Variants in SUMF1 observed in about 807,000 individuals in gnomAD.
SUMF1 encodes formylglycine-generating enzyme.
SUMF1 carries 48 observed loss-of-function variants against 47.6 expected under a neutral mutation model. The ratio of observed to expected loss-of-function variants is 1.01; its 90% confidence interval spans 0.80 to 1.28. The LOEUF is 1.28. Ranked by LOEUF, SUMF1 falls within the 50% of genes most tolerant of loss-of-function variation. The pLI, the probability that SUMF1 is intolerant of heterozygous loss-of-function variation, is 0.00. For synonymous variants in SUMF1, 230 were observed against 192.1 expected (o/e 1.20, Z -1.63); for missense variants, 571 against 485.4 (o/e 1.18, Z -1.66).
At chr3:4,133,955 T>A (rs888627478) in intron 8 of SUMF1, among the ~76,000 whole-genome samples, 11 of 151,970 alleles carry the variant, frequency 7.2e-5, no homozygotes, top group African/African-American at 2.7e-4. Context: ...AATCTGGGGA[T>A]ACTCAGCTCC....
At chr3:4,314,049 ACCT>A in intron 8 of SUMF1, 2 of 505,456 alleles carry the variant, frequency 4.0e-6, no homozygotes, top group Non-Finnish European at 7.0e-6. Context: ...CCTGCCCTTC[ACCT>A]CCTCTTTCTT....
At chr3:4,128,152 G>C (rs574101439) in intron 8 of SUMF1, among the ~76,000 whole-genome samples, 1 of 152,108 alleles carries the variant, frequency 6.6e-6, no homozygotes, top group Non-Finnish European at 1.5e-5. Flanking sequence ...AGATTGCCCT[G>C]AGTAAGATTC....
At chr3:4,078,647 C>A (rs543959740) in intron 8 of SUMF1, among the ~76,000 whole-genome samples, 1 of 151,950 alleles carries the variant, frequency 6.6e-6, no homozygotes. Flanking sequence ...AATCCCAGCA[C>A]TTTGGGAGGC....
intron 8 of SUMF1, chr3:4,068,756 TAAG>T (rs34308595): frequency 4.7e-4 from 154 of 328,518 alleles, no homozygotes; most frequent in East Asian, 9.6e-4. Flanking sequence ...CTAAAACAAA[TAAG>T]AAGAAGAAGA....
intron 8 of SUMF1, among the ~76,000 whole-genome samples, chr3:4,071,820 A>G (rs1173626034): frequency 1.3e-5 from 2 of 152,130 alleles, no homozygotes; most frequent in Admixed American, 6.5e-5. Flanking sequence ...AAAACCCCTC[A>G]TCTCCCTGGG....
At chr3:4,115,918 A>G (rs1385547963) in intron 8 of SUMF1, among the ~76,000 whole-genome samples, 1 of 152,160 alleles carries the variant, frequency 6.6e-6, no homozygotes, top group Non-Finnish European at 1.5e-5. Context: ...TCTATCAGTG[A>G]AAACAGTTCT....
At chr3:4,253,539 T>C (rs1314279172) in intron 8 of SUMF1, among the ~76,000 whole-genome samples, 2 of 151,484 alleles carry the variant, frequency 1.3e-5, no homozygotes, top group South Asian at 2.1e-4. Context: ...CACCTGAATA[T>C]TGCGCTTTTC....
At chr3:4,399,981 C>T (rs1042065782) in intron 7 of SUMF1, among the ~76,000 whole-genome samples, 11 of 152,048 alleles carry the variant, frequency 7.2e-5, no homozygotes, top group African/African-American at 2.2e-4. Flanking sequence ...CTACGTGATC[C>T]GCCCACTTCA....
intron 8 of SUMF1, among the ~76,000 whole-genome samples, chr3:4,159,679 T>A (rs1559521571): frequency 1.3e-5 from 2 of 152,148 alleles, no homozygotes; most frequent in Non-Finnish European, 2.9e-5. Flanking sequence ...TTAAATAACA[T>A]CCTTTTCTTA....
chr3:4,436,934 C>T (rs556147427), intron 3 of SUMF1, among the ~76,000 whole-genome samples: 1 of 151,158 alleles, frequency 6.6e-6, no homozygotes, highest in African/African-American at 2.4e-5. Context: ...TAATAAATAC[C>T]AGAAGACAGT....
At chr3:4,353,415 G>A (rs1430040757) in intron 8 of SUMF1, among the ~76,000 whole-genome samples, 2 of 152,110 alleles carry the variant, frequency 1.3e-5, no homozygotes, top group East Asian at 3.9e-4. Context: ...ACCACGCCCG[G>A]CTAATTTTTT....
intron 8 of SUMF1, among the ~76,000 whole-genome samples, chr3:4,343,247 G>A (rs1300026179): frequency 6.6e-6 from 1 of 152,158 alleles, no homozygotes; most frequent in African/African-American, 2.4e-5. Flanking sequence ...ACGAGTAAGT[G>A]AGGTCAGAAG....
chr3:4,465,965 T>C (rs1479622452), intron 1 of SUMF1, among the ~76,000 whole-genome samples: 1 of 152,124 alleles, frequency 6.6e-6, no homozygotes, highest in Non-Finnish European at 1.5e-5. Flanking sequence ...AAAAATGGAA[T>C]GGGAAAAGGA....
chr3:4,325,443 A>G (rs530290296), intron 8 of SUMF1, among the ~76,000 whole-genome samples: 1 of 152,316 alleles, frequency 6.6e-6, no homozygotes, highest in Admixed American at 6.5e-5. Context: ...CAGCAAAGGG[A>G]AAGCAATTCT....
At chr3:4,391,811 TTTTTCTTTTC>T (rs534903953) in intron 7 of SUMF1, among the ~76,000 whole-genome samples, 1 of 149,296 alleles carries the variant, frequency 6.7e-6, no homozygotes, top group Admixed American at 6.7e-5. Context: ...GGATAATTCC[TTTTTCTTTTC>T]TTTTCTTTTC....
Position 4,203,284 on chromosome 3 carries a change from T to C in SUMF1, c.1015-134539A>G, listed in dbSNP as rs144059193. Among the ~76,000 whole-genome samples the C allele has an allele frequency of 1.1e-4, 16 of 152,194 alleles. 1 individual carries two copies. The East Asian group carries it at 2.9e-3, about 28-fold the overall frequency. ...TTGGGTGCTTCAGTGTTGGATGATA[T>C]ATATTTGCAATTATTATATCTTCTT... On this transcript the variant is annotated intron_variant and NMD_transcript_variant, in intron 8 of 12. Coordinates refer to the SUMF1 transcript ENST00000448413.
intron 9 of SUMF1, among the ~76,000 whole-genome samples, chr3:4,044,846 C>G (rs139704546): frequency 6.6e-6 from 1 of 152,322 alleles, no homozygotes; most frequent in African/African-American, 2.4e-5. Context: ...TCATTTAGAT[C>G]ATTCTTCTTA....
At chr3:4,067,923 T>C (rs926779132) in intron 9 of SUMF1, among the ~76,000 whole-genome samples, 5 of 152,172 alleles carry the variant, frequency 3.3e-5, no homozygotes, top group African/African-American at 4.8e-5. Flanking sequence ...TCTGTAGATA[T>C]TATTGTCCCT....
intron 8 of SUMF1, among the ~76,000 whole-genome samples, chr3:4,164,121 G>T (rs1173091249): frequency 1.3e-5 from 2 of 152,078 alleles, no homozygotes; most frequent in Non-Finnish European, 2.9e-5. Flanking sequence ...CCTAATAACG[G>T]TGTGGGACTT....
Sources: allele counts gnomAD v4.1 joint callset (sites outside exome capture counted in the v4.1 genomes callset), GRCh38; gene constraint gnomAD v4.1.1; transcripts MANE v1.5; gene names NCBI Gene and HGNC (gene_info 2026-07-23, HGNC 2026-07-21).